The following FAT1 variants were observed in gnomAD, a reference collection of about 807,000 sequenced individuals.
FAT1 encodes the protein protocadherin Fat 1.
In FAT1, 171 loss-of-function variants were observed where a neutral mutation model predicts 329.8. That is an observed-to-expected ratio of 0.52 (90% CI 0.46 to 0.59). FAT1 has a LOEUF of 0.59. Among genes scored for constraint, FAT1 ranks in the 20% least tolerant of loss-of-function variants. The probability of loss-of-function intolerance (pLI) is 0.00; values close to 1 mark genes in which losing one functional copy is unlikely to be tolerated. For missense variants in FAT1, 5,672 were observed against 5,774.4 expected, an observed-to-expected ratio of 0.98 and a Z score of 0.57; for synonymous variants, 2,233 against 2,228.6, an observed-to-expected ratio of 1.00 and a Z score of -0.06.
chr4:186,628,029 G>C (rs533734747), intron 9 of FAT1, 125 bp downstream of exon 9: 1 of 1,010,784 alleles, frequency 9.9e-7, no homozygotes, highest in African/African-American at 1.6e-5. Flanking sequence ...TGTATCTAGA[G>C]ATCAATTTAA....
Position 186,588,661 on chromosome 4 carries a change from G to A in FAT1, c.13698C>T (p.Ser4566=), listed in dbSNP as rs374285602. The part of the protein sequence containing the change: ...ESEVMMSDYE[S]GDDGHFEEVT... ...CCTCTTCGAAGTGGCCGTCGTCCCC[G>A]CTCTCATAGTCACTCATCATGACCT... The change falls in exon 27 of 27, where the codon AGC becomes AGT. Residue 4566 remains serine (S), a synonymous_variant. Transcript: ENST00000441802. 31 of 1,613,798 alleles carry A rather than the reference G, an allele frequency of 1.9e-5. No homozygotes were observed. The highest frequency in any genetic ancestry group is 4.5e-5 in the East Asian group (2 of 44,882).
intron 6 of FAT1, among the ~76,000 whole-genome samples, chr4:186,635,694 G>C (rs750192099): frequency 2.0e-5 from 3 of 152,152 alleles, no homozygotes; most frequent in Non-Finnish European, 2.9e-5. Flanking sequence ...TGTGCCATAG[G>C]TTATGCATCA....
At chr4:186,717,569 T>A (rs1291390285) in intron 1 of FAT1, among the ~76,000 whole-genome samples, 1 of 152,238 alleles carries the variant, frequency 6.6e-6, no homozygotes, top group Non-Finnish European at 1.5e-5. Context: ...AACTTCACCA[T>A]GTACATGATT....
At position 186,706,237 on chromosome 4, in the gene FAT1, A is replaced by C. The variant is rs114262367; in HGVS notation, c.3265+326T>G. 8.3e-3 allele frequency among the ~76,000 whole-genome samples: 1,267 copies of C among 152,344 alleles called. 20 individuals carry two copies. The highest frequency in any genetic ancestry group is 0.029 in the African/African-American group (1,217 of 41,574). On this transcript the variant is annotated intron_variant, in intron 2 of 26. Coordinates refer to ENST00000441802, the MANE Select transcript of FAT1 (RefSeq NM_005245.4). The stretch of plus-strand genomic sequence containing the variant: ...TGGAAAGACTTCTCAAAGTCAGAAC[A>C]AAACCATAATGATGCTTTTGATAAT...
chr4:186,602,238 A>C (rs1012116322), intron 20 of FAT1, among the ~76,000 whole-genome samples: 3 of 152,238 alleles, frequency 2.0e-5, no homozygotes, highest in African/African-American at 7.2e-5. Context: ...ACCTTCATAC[A>C]TAACTGGGAG....
intron 22 of FAT1, 122 bp downstream of exon 22, chr4:186,599,776 A>T (rs1027018905): frequency 1.3e-6 from 1 of 755,200 alleles, no homozygotes; most frequent in Non-Finnish European, 2.1e-6. Context: ...TCCAACACTG[A>T]CTGCAGTGTC....
chr4:186,678,358 C>A (rs1743045265), intron 2 of FAT1, among the ~76,000 whole-genome samples: 1 of 151,340 alleles, frequency 6.6e-6, no homozygotes, highest in South Asian at 2.1e-4. Context: ...AATCCCAGCA[C>A]TTTGTAAGGC....
At chr4:186,712,235 G>C (rs1744995142) in intron 1 of FAT1, among the ~76,000 whole-genome samples, 1 of 152,156 alleles carries the variant, frequency 6.6e-6, no homozygotes, top group Non-Finnish European at 1.5e-5. Context: ...TGTACCCACG[G>C]ATATACTTTA....
In FAT1 at chr4:186,672,321, C is replaced by T. The variant is rs188903439; in HGVS notation, c.3266-8708G>A. The stretch of plus-strand genomic sequence containing the variant: ...AGTAAGTCAACCAAGAAGCATCCCT[C>T]GTGGGCCAATCAAACTGCTAGGCAG... On this transcript the variant is annotated intron_variant, in intron 2 of 26. Transcript: ENST00000441802. Among the ~76,000 whole-genome samples the T allele has an allele frequency of 3.4e-4, 52 of 152,284 alleles. No individual in the cohort carries two copies. The East Asian group carries it at 9.7e-3, about 28-fold the overall frequency.
chr4:186,684,835 C>T (rs963436614), intron 2 of FAT1, among the ~76,000 whole-genome samples: 3 of 152,076 alleles, frequency 2.0e-5, no homozygotes, highest in South Asian at 2.1e-4. Flanking sequence ...ACAGAGGAGG[C>T]GTGGTTTTCA....
chr4:186,659,655 A>G (rs1742074053), intron 3 of FAT1, among the ~76,000 whole-genome samples: 1 of 150,728 alleles, frequency 6.6e-6, no homozygotes, highest in African/African-American at 2.4e-5. Context: ...GCGCTCCTGC[A>G]CTCTACACAC....
chr4:186,712,550 C>T (rs1207475142), intron 1 of FAT1, among the ~76,000 whole-genome samples: 2 of 152,284 alleles, frequency 1.3e-5, no homozygotes, highest in South Asian at 4.1e-4. Context: ...TGGCCAGACA[C>T]AGACAGACAA....
At position 186,609,919 on chromosome 4, in the gene FAT1, T is replaced by G; in HGVS notation, c.9950A>C (p.Asp3317Ala). ...TACATTAACGTTCACAGTGGCAACGTCGCTCAGTGAAGGCGTGCCTCCATC... is the reference window on the plus strand; with the variant it reads ...TACATTAACGTTCACAGTGGCAACGGCGCTCAGTGAAGGCGTGCCTCCATC... ...ATDGGTPSLS[D>A]VATVNVNVTD... The change falls in exon 15 of 27, where the codon GAC becomes GCC. Residue 3317 changes from aspartate to alanine, a missense_variant. Asp to Ala is a moderately radical substitution (Grantham distance 126). Coordinates refer to ENST00000441802, the MANE Select transcript of FAT1 (RefSeq NM_005245.4). 6.2e-7 allele frequency: 1 copy of G among 1,613,246 alleles called. No individual in the cohort carries two copies. Among genetic ancestry groups the G allele is most frequent in the Non-Finnish European group, 8.5e-7 (1 of 1,179,234 alleles).
At chr4:186,604,787 G>GAT (rs1553987142) in intron 17 of FAT1, among the ~76,000 whole-genome samples, 1 of 151,532 alleles carries the variant, frequency 6.6e-6, no homozygotes, top group South Asian at 2.1e-4. Flanking sequence ...AGAAAAAGGA[G>GAT]GATGAAGGAA....
rs1410439061 is a variant in FAT1, at chr4:186,631,487, G to A, written c.4323+2197C>T. Among the ~76,000 whole-genome samples the A allele has an allele frequency of 1.3e-4, 16 of 119,878 alleles. No homozygotes were observed. In the Admixed American group the frequency reaches 1.4e-3, roughly 11 times the overall value. The allele number at this position is 119,878 out of a possible 152,430, so 78.6% of individuals were successfully genotyped here. ...CTCTTCAATCCATCCCCATGGTATC[G>A]TAGTGTCTCGCCTCCCAGCTGATTC... On this transcript the variant is annotated intron_variant, in intron 7 of 26. Coordinates refer to ENST00000441802, the MANE Select transcript of FAT1 (RefSeq NM_005245.4).
chr4:186,630,808 C>G (rs1307912470), intron 7 of FAT1, among the ~76,000 whole-genome samples: 7 of 152,080 alleles, frequency 4.6e-5, no homozygotes, highest in Non-Finnish European at 7.4e-5. Flanking sequence ...GGGATTCAAA[C>G]CAAGTGATCT....
chr4:186,633,377 C>G (rs1487119882), intron 7 of FAT1, among the ~76,000 whole-genome samples: 2 of 152,116 alleles, frequency 1.3e-5, no homozygotes, highest in Non-Finnish European at 2.9e-5. Flanking sequence ...CAGTGATGTA[C>G]TTGATGTTAA....
chr4:186,669,719 A>G (rs758298725), intron 2 of FAT1, among the ~76,000 whole-genome samples: 11 of 152,206 alleles, frequency 7.2e-5, no homozygotes, highest in Non-Finnish European at 1.2e-4. Context: ...AAAGAGCTTA[A>G]CCAAGATAGT....
chr4:186,639,697 T>C, intron 4 of FAT1, 25 bp downstream of exon 4: 11 of 1,483,424 alleles, frequency 7.4e-6, no homozygotes, highest in Middle Eastern at 1.9e-4. Flanking sequence ...AATCTTTAAG[T>C]ATTAAAGATA....
Sources: allele counts gnomAD v4.1 joint callset (sites outside exome capture counted in the v4.1 genomes callset), GRCh38; gene constraint gnomAD v4.1.1; transcripts MANE v1.5; gene names NCBI Gene and HGNC (gene_info 2026-07-23, HGNC 2026-07-21).